The following ANAPC2 variants were observed in gnomAD, a reference collection of about 807,000 sequenced individuals.
ANAPC2 encodes the protein anaphase promoting complex subunit 2.
In ANAPC2, 29 loss-of-function variants were observed where a neutral mutation model predicts 84.3. The ratio of observed to expected loss-of-function variants is 0.34; its 90% CI spans 0.26 to 0.47. The LOEUF (loss-of-function observed/expected upper bound fraction) is 0.47, where lower values mean the gene tolerates loss of function less well. ANAPC2 is among the 20% of genes least tolerant of loss of function. The probability of loss-of-function intolerance (pLI) is 1.00; values close to 1 mark genes in which losing one functional copy is unlikely to be tolerated. For missense variants in ANAPC2, 857 were observed against 1,131.7 expected, an observed-to-expected ratio of 0.76 and a Z score of 3.48; for synonymous variants, 571 against 479.4, an observed-to-expected ratio of 1.19 and a Z score of -2.50.
Position 137,175,304 on chromosome 9 carries a change from A to G in ANAPC2, c.2189T>C (p.Ile730Thr). The G allele has an allele frequency of 6.2e-7, 1 of 1,612,672 alleles. No individual in the cohort carries two copies. The highest frequency in any genetic ancestry group is 1.3e-5 in the African/African-American group (1 of 75,054). Residue 730 changes from isoleucine to threonine, a missense_variant, in exon 12 of 13, where the codon ATT becomes ACT. This residue lies in a region of ANAPC2 where 425 missense variants were observed against 595.5 expected (regional missense o/e 0.71). Coordinates refer to ENST00000323927, the MANE Select transcript of ANAPC2 (RefSeq NM_013366.4). ...RPQDRDNMVL[I>T]DSDDESDSGM... Reference sequence around the variant, plus strand: ...GGAGTCGCTCTCGTCGTCACTGTCAATGAGCACCATGTTGTCCCGGTCCTG... The same window carrying G: ...GGAGTCGCTCTCGTCGTCACTGTCAGTGAGCACCATGTTGTCCCGGTCCTG...
At chr9:137,185,141 G>A in intron 3 of ANAPC2, 54 bp from the exon 4 acceptor site, 4 of 1,447,866 alleles carry the variant, frequency 2.8e-6, no homozygotes, top group Non-Finnish European at 1.8e-6. Flanking sequence ...GCCCCGGGCT[G>A]ACTCAGAGGC....
chr9:137,176,168 T>G (rs1467711509), intron 10 of ANAPC2: 5 of 171,242 alleles, frequency 2.9e-5, no homozygotes, highest in Non-Finnish European at 5.5e-5. Flanking sequence ...ACTGGGGTCC[T>G]TCTAAGAAAA....
chr9:137,175,967 G>A, intron 10 of ANAPC2, 130 bp from the exon 11 acceptor site: 1 of 1,186,914 alleles, frequency 8.4e-7, no homozygotes, highest in Non-Finnish European at 1.2e-6. Context: ...GCAGGCAGGT[G>A]AGCAGCGAGA....
intron 2 of ANAPC2, 171 bp from the exon 3 acceptor site, chr9:137,186,527 A>C: frequency 1.0e-6 from 1 of 989,236 alleles, no homozygotes; most frequent in Non-Finnish European, 1.4e-6. Flanking sequence ...GGTTGTACCA[A>C]AGGCTTCAAG....
chr9:137,187,310 A>G, intron 2 of ANAPC2, 171 bp downstream of exon 2: 1 of 816,000 alleles, frequency 1.2e-6, no homozygotes, highest in Non-Finnish European at 1.9e-6. Context: ...GTGACAGAAG[A>G]GAGACACCTG....
Position 137,180,244 on chromosome 9 carries a change from C to T in ANAPC2, c.1827G>A (p.Leu609=). ...CTGCCCTGATATCCTCGGGGACCTC[C>T]AGCTTCTCGTCCTTGAAGGGCGGCC... The part of the protein sequence containing the change: ...EFWPPFKDEK[L]EVPEDIRAAL... The change falls in exon 10 of 13, where the codon CTG becomes CTA. Residue 609 remains leucine (L), a synonymous_variant. Coordinates refer to ENST00000323927, the MANE Select transcript of ANAPC2 (RefSeq NM_013366.4). 1 of 1,613,846 alleles carries T rather than the reference C, an allele frequency of 6.2e-7. No homozygotes were observed. Among genetic ancestry groups the T allele is most frequent in the East Asian group, 2.2e-5 (1 of 44,882 alleles).
At chr9:137,185,731 A>G (rs1368568593) in intron 3 of ANAPC2, among the ~76,000 whole-genome samples, 1 of 152,110 alleles carries the variant, frequency 6.6e-6, no homozygotes, top group Non-Finnish European at 1.5e-5. Context: ...CAGCTCCCCT[A>G]TGGCTCCGGG....
rs1834193791 is a variant in ANAPC2 at position 137,175,726 on chromosome 9, G to T, written c.2002C>A (p.Leu668Met). 1.2e-6 allele frequency: 2 copies of T among 1,611,498 alleles called. No homozygotes were observed. The highest frequency in any genetic ancestry group is 1.7e-6 in the Non-Finnish European group (2 of 1,179,340). ...GGCTCACCTTGGTCCTGAAAATACAGCAAGATCACCGCCTGTACTGGGGTG... is the reference window on the plus strand; with the variant it reads ...GGCTCACCTTGGTCCTGAAAATACATCAAGATCACCGCCTGTACTGGGGTG... The part of the protein sequence containing the change: ...AVTPVQAVIL[L>M]YFQDQASWTL... The change falls in exon 11 of 13, where the codon CTG becomes ATG. Residue 668 changes from leucine (L) to methionine (M), a missense_variant. Physicochemically the swap from Leu to Met is conservative, Grantham distance 15. Coordinates refer to ENST00000323927, the MANE Select transcript of ANAPC2 (RefSeq NM_013366.4).
chr9:137,175,109 G>A lies in ANAPC2; in HGVS notation c.2302C>T (p.Leu768Phe). Residue 768 changes from leucine (L) to phenylalanine (F), a missense_variant, in exon 13 of 13, where the codon CTC becomes TTC. Around this residue, in one of 3 missense-constraint regions of ANAPC2, gnomAD observed 425 missense variants for 595.5 expected, o/e 0.71. Transcript: ENST00000323927. ...IQAMLTNLESLSLDRIYNMLR... is the reference protein window; with the variant it reads ...IQAMLTNLESFSLDRIYNMLR... ...ATGTTGTAGATACGATCCAGTGAGAGGCTCTCCAGGTTGGTCAGCATGGCC... is the reference window on the plus strand; with the variant it reads ...ATGTTGTAGATACGATCCAGTGAGAAGCTCTCCAGGTTGGTCAGCATGGCC... 6.2e-7 allele frequency: 1 copy of A among 1,609,502 alleles called. No homozygotes were observed. The highest frequency in any genetic ancestry group is 8.5e-7 in the Non-Finnish European group (1 of 1,178,530).
intron 2 of ANAPC2, 185 bp downstream of exon 2, chr9:137,187,296 G>A (rs970807509): frequency 4.1e-6 from 3 of 736,554 alleles, no homozygotes; most frequent in Non-Finnish European, 6.4e-6. Context: ...GGGACTGAAG[G>A]TGAGTGACAG....
At chr9:137,178,476 G>C (rs1253928110) in intron 10 of ANAPC2, among the ~76,000 whole-genome samples, 1 of 152,252 alleles carries the variant, frequency 6.6e-6, no homozygotes, top group African/African-American at 2.4e-5. Flanking sequence ...CCCAAGGCAG[G>C]ACCCTGGAGG....
chr9:137,184,315 A>G (rs72763284), intron 4 of ANAPC2, among the ~76,000 whole-genome samples: 39,986 of 141,564 alleles, frequency 0.28, 5,550 homozygotes, highest in African/African-American at 0.37. Context: ...GAGCCCAGAC[A>G]CAGACACAGA....
At chr9:137,178,198 G>A (rs1588757491) in intron 10 of ANAPC2, among the ~76,000 whole-genome samples, 1 of 145,510 alleles carries the variant, frequency 6.9e-6, no homozygotes, top group Non-Finnish European at 1.5e-5. Flanking sequence ...TGGCTCCAAG[G>A]CCATGACCTC....
Position 137,181,808 on chromosome 9 carries a change from G to A in ANAPC2, c.1341C>T (p.Asp447=), listed in dbSNP as rs376993478. Residue 447 remains aspartate, a synonymous_variant, in exon 7 of 13, where the codon GAC becomes GAT. Coordinates refer to ENST00000323927, the MANE Select transcript of ANAPC2 (RefSeq NM_013366.4). The part of the protein sequence containing the change: ...QIVAGLTGDS[D]GTGDLAVELS... ...GCTCAACAGCCAGGTCCCCTGTCCC[G>A]TCCGAGTCCCCCGTCAGCCCAGCCA... The A allele has an allele frequency of 8.0e-5, 129 of 1,609,048 alleles. No individual in the cohort carries two copies. Among genetic ancestry groups the A allele is most frequent in the East Asian group, 1.3e-4 (6 of 44,892 alleles).
chr9:137,188,138 C>A (rs1170143055), intron 1 of ANAPC2, 35 bp from the exon 2 acceptor site: 5 of 1,596,082 alleles, frequency 3.1e-6, no homozygotes, highest in Non-Finnish European at 4.3e-6. Context: ...GAGGGGAACA[C>A]AACATAGAGG....
intron 10 of ANAPC2, among the ~76,000 whole-genome samples, chr9:137,178,894 T>C (rs1834280163): frequency 6.6e-6 from 1 of 152,206 alleles, no homozygotes; most frequent in Non-Finnish European, 1.5e-5. Context: ...GGAAGGAAGC[T>C]TCCCCCTTGG....
chr9:137,183,682 G>A lies in ANAPC2; in HGVS notation c.1158C>T (p.Leu386=). 1 of 1,611,432 alleles carries A rather than the reference G, an allele frequency of 6.2e-7. No individual in the cohort carries two copies. The highest frequency in any genetic ancestry group is 1.1e-5 in the South Asian group (1 of 91,022). Residue 386 remains leucine (L), a synonymous_variant, in exon 5 of 13, where the codon CTC becomes CTT. Coordinates refer to ENST00000323927, the MANE Select transcript of ANAPC2 (RefSeq NM_013366.4). ...VSLKAALETR[L]LHPGVNTCDI... ...GGCAGCACACAGCACCTGGATGCAG[G>A]AGCCGAGTCTCCAGGGCAGCCTTGA...
chr9:137,183,617 TC>T, intron 5 of ANAPC2, 54 bp downstream of exon 5: 1 of 1,573,096 alleles, frequency 6.4e-7, no homozygotes, highest in East Asian at 2.3e-5. Flanking sequence ...TGGACATGGG[TC>T]CCCTGGTGAG....
intron 6 of ANAPC2, 107 bp from the exon 7 acceptor site, chr9:137,181,969 C>CGAGA: frequency 8.1e-7 from 1 of 1,241,388 alleles, no homozygotes; most frequent in Non-Finnish European, 1.1e-6. Context: ...CCGACCCTGC[C>CGAGA]TCTACACTCA....
Sources: allele counts gnomAD v4.1 joint callset (sites outside exome capture counted in the v4.1 genomes callset), GRCh38; gene constraint gnomAD v4.1.1; regional missense constraint gnomAD v4.1.1; transcripts MANE v1.5; gene names NCBI Gene and HGNC (gene_info 2026-07-23, HGNC 2026-07-21).